Variants in PTPRO observed in about 807,000 individuals in gnomAD.
PTPRO encodes receptor-type tyrosine-protein phosphatase O.
PTPRO carries 62 observed loss-of-function variants against 145.2 expected under a neutral mutation model. The observed-to-expected ratio is 0.43, with a 90% CI of 0.35 to 0.53. The LOEUF is 0.53. Among genes scored for constraint, PTPRO ranks in the 20% least tolerant of loss-of-function variants. The pLI is 0.01. For missense variants in PTPRO, 1,345 were observed against 1,482.7 expected (o/e 0.91, Z 1.53); for synonymous variants, 565 against 514.7 (o/e 1.10, Z -1.32).
chr12:15,547,138 A>C (rs1263448798), intron 13 of PTPRO, among the ~76,000 whole-genome samples: 15 of 152,256 alleles, frequency 9.9e-5, no homozygotes, highest in Admixed American at 9.8e-4. Context: ...AGAAAAAAGT[A>C]AAGTAAAATA....
chr12:15,474,007 G>A (rs913185207), intron 1 of PTPRO, among the ~76,000 whole-genome samples: 12 of 152,204 alleles, frequency 7.9e-5, no homozygotes, highest in African/African-American at 1.7e-4. Context: ...CTACAGAGGC[G>A]GAAGAGAAAC....
chr12:15,486,606 A>C (rs1380904452), intron 2 of PTPRO, among the ~76,000 whole-genome samples: 1 of 152,150 alleles, frequency 6.6e-6, no homozygotes, highest in Non-Finnish European at 1.5e-5. Flanking sequence ...CTTTTTAAAA[A>C]GGTGAAATTA....
In PTPRO at chr12:15,580,735, G is replaced by A. The variant is rs3748299; in HGVS notation, c.3036G>A (p.Gly1012=). 147,445 of 1,613,876 alleles carry A rather than the reference G, an allele frequency of 0.091. 8,495 individuals carry two copies. Among genetic ancestry groups the A allele is most frequent in the East Asian group, 0.31 (13,686 of 44,830 alleles). Residue 1012 remains glycine (G), a synonymous_variant, in exon 22 of 27, where the codon GGG becomes GGA. Transcript: ENST00000281171. The stretch of plus-strand genomic sequence containing the variant: ...CCCAGGAGTATATTGCCACCCAGGG[G>A]CCACTGCCTGAAACCAGAAATGACT... The part of the protein sequence containing the change: ...NSPQEYIATQ[G]PLPETRNDFW...
intron 1 of PTPRO, chr12:15,440,237 G>A (rs746983537): frequency 1.6e-6 from 1 of 638,990 alleles, no homozygotes; most frequent in East Asian, 3.1e-5. Flanking sequence ...CTTTTCCAAG[G>A]CCACCTTTGA....
At chr12:15,522,377 G>A (rs1019248041) in intron 10 of PTPRO, among the ~76,000 whole-genome samples, 1 of 151,326 alleles carries the variant, frequency 6.6e-6, no homozygotes. Flanking sequence ...TTTAAGCCCC[G>A]CATACATTAG....
In PTPRO at chr12:15,597,239, A is replaced by G. The variant is rs1944676539; in HGVS notation, c.*1166A>G. On this transcript the variant is annotated 3_prime_UTR_variant, in exon 27 of 27. Transcript: ENST00000281171. The stretch of plus-strand genomic sequence containing the variant: ...GTATAATTACAGTACATGATTGTGT[A>G]TTGTGACATGAATGCTGTCAAAATG... 1 of 152,222 alleles carries G rather than the reference A, an allele frequency of 6.6e-6. No homozygotes were observed. Among genetic ancestry groups the G allele is most frequent in the Non-Finnish European group, 1.5e-5 (1 of 68,038 alleles). The allele number at this position is 152,222 out of a possible 1,614,324, so 9.4% of individuals were successfully genotyped here.
At chr12:15,519,106 G>T (rs1197899436) in intron 9 of PTPRO, among the ~76,000 whole-genome samples, 1 of 152,204 alleles carries the variant, frequency 6.6e-6, no homozygotes, top group Non-Finnish European at 1.5e-5. Flanking sequence ...ACAGTTCCAC[G>T]TGGCTGGGGA....
At chr12:15,560,067 T>C in intron 16 of PTPRO, 126 bp from the exon 17 acceptor site, 1 of 735,098 alleles carries the variant, frequency 1.4e-6, no homozygotes, top group South Asian at 1.5e-5. Flanking sequence ...AATATTTAAT[T>C]GTAATTAAGG....
intron 15 of PTPRO, 146 bp from the exon 16 acceptor site, chr12:15,557,309 C>A: frequency 1.4e-6 from 1 of 737,274 alleles, no homozygotes; most frequent in Non-Finnish European, 2.4e-6. Flanking sequence ...GGATTACAGG[C>A]GTGAGCCACC....
At chr12:15,464,324 G>T (rs1258302600) in intron 1 of PTPRO, among the ~76,000 whole-genome samples, 1 of 151,940 alleles carries the variant, frequency 6.6e-6, no homozygotes, top group Middle Eastern at 3.2e-3. Flanking sequence ...AAAATGCTGC[G>T]TGCTATGACT....
intron 1 of PTPRO, among the ~76,000 whole-genome samples, chr12:15,350,432 A>G (rs1387654079): frequency 2.0e-5 from 3 of 152,204 alleles, no homozygotes; most frequent in Non-Finnish European, 4.4e-5. Context: ...TAATGAGCAT[A>G]CTGACTTCCC....
chr12:15,470,032 A>T (rs1373877856), intron 1 of PTPRO, among the ~76,000 whole-genome samples: 3 of 152,210 alleles, frequency 2.0e-5, no homozygotes, highest in African/African-American at 7.2e-5. Context: ...ACTGTCACTT[A>T]AGTGGGATTT....
At chr12:15,358,665 C>G (rs1034238511) in intron 1 of PTPRO, among the ~76,000 whole-genome samples, 4 of 152,174 alleles carry the variant, frequency 2.6e-5, no homozygotes, top group Non-Finnish European at 5.9e-5. Flanking sequence ...GTAGCTTAAG[C>G]AAAGATAGAA....
chr12:15,501,932 G>A lies in PTPRO; in HGVS notation c.974G>A (p.Ser325Asn). 1 of 1,614,004 alleles carries A rather than the reference G, an allele frequency of 6.2e-7. No homozygotes were observed. The highest frequency in any genetic ancestry group is 1.1e-5 in the South Asian group (1 of 91,080). ...SVLPMEYENN[S>N]TLSETEKSTS... ...CTTCCCATGGAATACGAAAATAACA[G>A]TACACTCAGTGAGACAGAGAAGTCA... Residue 325 changes from serine (S) to asparagine (N), a missense_variant, in exon 5 of 27, where the codon AGT (serine) becomes AAT (asparagine). By Grantham distance (46) the Ser-to-Asn change is conservative. This residue lies in a region of PTPRO where 1,130 missense variants were observed against 1,214.7 expected (regional missense o/e 0.93). Coordinates refer to ENST00000281171, the MANE Select transcript of PTPRO (RefSeq NM_030667.3).
intron 7 of PTPRO, among the ~76,000 whole-genome samples, chr12:15,509,897 G>A (rs747291930): frequency 6.6e-6 from 1 of 152,016 alleles, no homozygotes; most frequent in African/African-American, 2.4e-5. Context: ...CTGTGCAACT[G>A]GAGCCCAGAG....
chr12:15,410,546 C>A (rs1169875483), intron 1 of PTPRO: 10 of 152,162 alleles, frequency 6.6e-5, no homozygotes, highest in Admixed American at 6.5e-4. Context: ...AGCTTTCAGG[C>A]CTTTAAACTT....
intron 1 of PTPRO, among the ~76,000 whole-genome samples, chr12:15,430,181 A>G (rs961693225): frequency 2.0e-5 from 3 of 151,946 alleles, no homozygotes; most frequent in Admixed American, 1.3e-4. Context: ...TGGTAACTAA[A>G]TCACAGTTTC....
At chr12:15,514,756 T>A (rs910317359) in intron 7 of PTPRO, among the ~76,000 whole-genome samples, 33 of 151,958 alleles carry the variant, frequency 2.2e-4, no homozygotes, top group African/African-American at 5.6e-4. Context: ...TTATTTATTT[T>A]ATTTATTTTT....
At chr12:15,560,909 T>C (rs763380045) in intron 17 of PTPRO, among the ~76,000 whole-genome samples, 79 of 152,266 alleles carry the variant, frequency 5.2e-4, no homozygotes, top group Admixed American at 9.8e-4. Flanking sequence ...CTGAAATCTA[T>C]TCTTTCCTCT....
Sources: gnomAD v4.1 joint callset for allele counts (sites outside exome capture counted in the v4.1 genomes callset) on GRCh38, gnomAD v4.1.1 for gene constraint, gnomAD v4.1.1 regional missense constraint, MANE v1.5 for transcripts, NCBI Gene and HGNC (gene_info 2026-07-23, HGNC 2026-07-21) for gene names.